LONRF1: variants seen among roughly 807,000 people sequenced by gnomAD.
LONRF1 encodes the protein LON peptidase N-terminal domain and RING finger protein 1.
A neutral mutation model predicts 85.8 loss-of-function variants in LONRF1; 37 were observed. The ratio of observed to expected loss-of-function variants is 0.43; its 90% CI spans 0.33 to 0.57. The LOEUF (loss-of-function observed/expected upper bound fraction) is 0.57, where lower values mean the gene tolerates loss of function less well. Ranked by LOEUF, LONRF1 falls within the 20% of genes least tolerant of loss-of-function variation. The pLI, the probability that LONRF1 is intolerant of heterozygous loss-of-function variation, is 0.04. For missense variants in LONRF1, 1,036 were observed against 978.0 expected (o/e 1.06, Z -0.79); for synonymous variants, 517 against 390.1 (o/e 1.33, Z -3.83).
At chr8:12,748,820 G>T (rs201099768) in intron 1 of LONRF1, among the ~76,000 whole-genome samples, 2,079 of 51,160 alleles carry the variant, frequency 0.041, 16 homozygotes, top group South Asian at 0.11. Flanking sequence ...TTTTTTTTTT[G>T]CTTCTATTGC....
intron 1 of LONRF1, chr8:12,753,634 G>A (rs1186130747): frequency 2.0e-5 from 3 of 152,166 alleles, no homozygotes; most frequent in Admixed American, 6.6e-5. Context: ...AATGCCCCCT[G>A]AGAGAGGGGA....
At chr8:12,734,207 A>C (rs988434646) in intron 7 of LONRF1, among the ~76,000 whole-genome samples, 1 of 151,944 alleles carries the variant, frequency 6.6e-6, no homozygotes. Context: ...TTTAAGAATA[A>C]ATGTATCTGA....
Position 12,740,976 on chromosome 8 carries a change from T to C in LONRF1, c.861A>G (p.Lys287=), listed in dbSNP as rs774989924. 8 of 1,613,248 alleles carry C rather than the reference T, an allele frequency of 5.0e-6. No individual in the cohort carries two copies. The Admixed American group carries it at 1.3e-4, about 27-fold the overall frequency. ...CTAAAAAACCAGCATCGCAGAGTACTTTTCCTTTCCTGAAGTAGACCTTTA... is the reference window on the plus strand; with the variant it reads ...CTAAAAAACCAGCATCGCAGAGTACCTTTCCTTTCCTGAAGTAGACCTTTA... ...DWPEVYFRKG[K]VLCDAGFLGD... Residue 287 remains lysine (K), a synonymous_variant, in exon 3 of 12, where the codon AAA becomes AAG. Transcript: ENST00000398246.
chr8:12,747,604 G>A (rs1402796732), intron 1 of LONRF1, among the ~76,000 whole-genome samples: 2 of 147,418 alleles, frequency 1.4e-5, no homozygotes, highest in East Asian at 2.1e-4. Flanking sequence ...GCTAAGCAGA[G>A]GAGGTTAGCC....
intron 10 of LONRF1, among the ~76,000 whole-genome samples, chr8:12,727,845 T>C (rs1028838463): frequency 6.6e-6 from 1 of 152,182 alleles, no homozygotes; most frequent in African/African-American, 2.4e-5. Flanking sequence ...TATAATAAGA[T>C]AGGACTGCCA....
intron 4 of LONRF1, 131 bp from the exon 5 acceptor site, chr8:12,737,271 C>T (rs1056397970): frequency 2.5e-5 from 28 of 1,099,342 alleles, no homozygotes; most frequent in South Asian, 6.5e-5. Context: ...ATAGCACTAA[C>T]TTGATTCCAA....
In LONRF1 at chr8:12,754,719, G is replaced by C; in HGVS notation, c.702C>G (p.Ala234=). ...GGTCACCTGCTCGCAGCGCCTCGCA[G>C]GCGGCGGCCAGGGCCTCCCGGTAGC... The part of the protein sequence containing the change: ...QGRYREALAA[A]CEALRAEPSD... The change falls in exon 1 of 12, where the codon GCC becomes GCG. Residue 234 remains alanine, a synonymous_variant. Coordinates refer to ENST00000398246, the MANE Select transcript of LONRF1 (RefSeq NM_152271.5). 1 of 1,395,738 alleles carries C rather than the reference G, an allele frequency of 7.2e-7. No individual in the cohort carries two copies. Among genetic ancestry groups the C allele is most frequent in the Non-Finnish European group, 9.2e-7 (1 of 1,084,560 alleles). 86.5% of individuals were successfully genotyped at this position (1,395,738 alleles called of 1,614,324 possible).
At chr8:12,740,306 G>A (rs1303704081) in intron 3 of LONRF1, among the ~76,000 whole-genome samples, 1 of 152,144 alleles carries the variant, frequency 6.6e-6, no homozygotes, top group Non-Finnish European at 1.5e-5. Flanking sequence ...GCTATGAAAC[G>A]TTCTGGAGAA....
chr8:12,745,672 T>C (rs577510124), intron 1 of LONRF1, among the ~76,000 whole-genome samples: 14 of 152,346 alleles, frequency 9.2e-5, no homozygotes, highest in Admixed American at 2.0e-4. Flanking sequence ...GGTATCTGTA[T>C]TGCCCAGCAA....
rs1276064015 is a variant in LONRF1 at position 12,751,165 on chromosome 8, T to C, written c.721+3535A>G. Among the ~76,000 whole-genome samples, 4 of 152,110 alleles carry C rather than the reference T, an allele frequency of 2.6e-5. No homozygotes were observed. The East Asian group carries it at 5.8e-4, about 22-fold the overall frequency. On this transcript the variant is annotated intron_variant, in intron 1 of 11. Transcript: ENST00000398246. ...CTAAGCCACACTGCATGTCTATCCATAGATGCCTCAGTTTCCCTCTGAGGA... is the reference window on the plus strand; with the variant it reads ...CTAAGCCACACTGCATGTCTATCCACAGATGCCTCAGTTTCCCTCTGAGGA...
chr8:12,752,104 T>C (rs1033149645), intron 1 of LONRF1, among the ~76,000 whole-genome samples: 20 of 152,230 alleles, frequency 1.3e-4, no homozygotes, highest in African/African-American at 4.6e-4. Flanking sequence ...AGATTTTTTC[T>C]AGTTAATAGT....
Position 12,755,130 on chromosome 8 carries a change from G to A in LONRF1, c.291C>T (p.Tyr97=). 11 of 1,455,916 alleles carry A rather than the reference G, an allele frequency of 7.6e-6. No individual in the cohort carries two copies. The highest frequency in any genetic ancestry group is 1.3e-5 in the South Asian group (1 of 75,532). 90.2% of individuals were successfully genotyped at this position (1,455,916 alleles called of 1,614,324 possible). The change falls in exon 1 of 12, where the codon TAC becomes TAT. Residue 97 remains tyrosine (Y), a synonymous_variant. Transcript: ENST00000398246. ...TCCAGCCCAGCCCGTGGCGGAGCCG[G>A]TAGTTGAACACCAGGCAGTCCACCA... is the stretch of plus-strand genomic sequence containing the variant. ...GALVDCLVFN[Y]RLRHGLGWSA...
chr8:12,725,587 G>A (rs921603658), intron 11 of LONRF1, 140 bp downstream of exon 11: 4 of 739,382 alleles, frequency 5.4e-6, no homozygotes, highest in African/African-American at 3.5e-5. Context: ...TGATTGCAAA[G>A]ATGAGGTGGG....
chr8:12,735,156 A>G lies in LONRF1; in HGVS notation c.1566+130T>C, dbSNP rs927148498. 2.8e-5 allele frequency: 18 copies of G among 638,160 alleles called. No individual in the cohort carries two copies. In the African/African-American group the frequency reaches 3.3e-4, roughly 12 times the overall value. The allele number at this position is 638,160 out of a possible 1,614,324, so 39.5% of individuals were successfully genotyped here. On this transcript the variant is annotated intron_variant, in intron 7 of 11. Transcript: ENST00000398246. ...ATTAGCATATGGGTAATAAAACATT[A>G]TCCTTGTTAGTCACTCAGAATATAG...
rs769851313 is a variant in LONRF1, at chr8:12,736,811, G to C, written c.1355-14C>G. ...CATTGGGAGTTTCTATTAAAACAAA[G>C]ACATGGGGTTTTCTTCCTTAGGAAA... On this transcript the variant is annotated splice_polypyrimidine_tract_variant and intron_variant, in intron 5 of 11. Coordinates refer to ENST00000398246, the MANE Select transcript of LONRF1 (RefSeq NM_152271.5). 90 of 1,592,660 alleles carry C rather than the reference G, an allele frequency of 5.7e-5. No homozygotes were observed. The highest frequency in any genetic ancestry group is 7.7e-5 in the Non-Finnish European group (90 of 1,170,490).
At chr8:12,743,786 G>A in intron 1 of LONRF1, among the ~76,000 whole-genome samples, 1 of 152,110 alleles carries the variant, frequency 6.6e-6, no homozygotes, top group South Asian at 2.1e-4. Context: ...TCTTGATTCT[G>A]GAGGAAATGG....
In LONRF1 at chr8:12,725,898, G is replaced by A; in HGVS notation, c.2011-19C>T. ...TCTCAACCTAGAAATACAATAGTCA[G>A]TAAGACTTCTGTGTCTAATCCCCCG... On this transcript the variant is annotated intron_variant, in intron 10 of 11. Transcript: ENST00000398246. The A allele has an allele frequency of 1.3e-6, 2 of 1,596,140 alleles. No homozygotes were observed. The highest frequency in any genetic ancestry group is 8.5e-7 in the Non-Finnish European group (1 of 1,169,630).
chr8:12,751,294 A>ATGTTTTTTTTTTGTTTGTTT (rs1554469320), intron 1 of LONRF1, among the ~76,000 whole-genome samples: 1 of 84,808 alleles, frequency 1.2e-5, no homozygotes, highest in African/African-American at 4.2e-5. Context: ...TTTTATTTTT[A>ATGTTTTTTTTTTGTTTGTTT]TGTTTTTTTT....
At chr8:12,730,282 T>G (rs1194410928) in intron 8 of LONRF1, among the ~76,000 whole-genome samples, 5 of 152,218 alleles carry the variant, frequency 3.3e-5, no homozygotes, top group South Asian at 2.1e-4. Flanking sequence ...AATAACATGA[T>G]CCCATCTTTG....
Sources: gnomAD v4.1 joint callset for allele counts (sites outside exome capture counted in the v4.1 genomes callset) on GRCh38, gnomAD v4.1.1 for gene constraint, MANE v1.5 for transcripts, NCBI Gene and HGNC (gene_info 2026-07-23, HGNC 2026-07-21) for gene names.